CBLB: variants seen among roughly 807,000 people sequenced by gnomAD.
CBLB encodes the protein E3 ubiquitin-protein ligase CBL-B.
CBLB carries 31 observed loss-of-function variants against 104.9 expected under a neutral mutation model. That is an observed-to-expected ratio of 0.30 (90% CI 0.22 to 0.40). The LOEUF (loss-of-function observed/expected upper bound fraction) is 0.40, where lower values mean the gene tolerates loss of function less well. Among genes scored for constraint, CBLB ranks in the 10% least tolerant of loss-of-function variants. The pLI, the probability that CBLB is intolerant of heterozygous loss-of-function variation, is 1.00. For missense variants in CBLB, 1,062 were observed against 1,214.6 expected (o/e 0.87, Z 1.87); for synonymous variants, 440 against 422.6 (o/e 1.04, Z -0.51).
At chr3:105,801,761 CAAT>C (rs776030229) in intron 3 of CBLB, among the ~76,000 whole-genome samples, 24 of 152,294 alleles carry the variant, frequency 1.6e-4, no homozygotes, top group Non-Finnish European at 2.8e-4. Flanking sequence ...ACAACAACAA[CAAT>C]GACAAAAAGT....
intron 3 of CBLB, among the ~76,000 whole-genome samples, chr3:105,805,645 A>C (rs12497428): frequency 3.9e-5 from 6 of 151,990 alleles, no homozygotes; most frequent in African/African-American, 1.4e-4. Flanking sequence ...TTATTCCCTC[A>C]ACTGCCAGGT....
At chr3:105,698,735 G>A (rs1326433232) in intron 12 of CBLB, among the ~76,000 whole-genome samples, 1 of 151,640 alleles carries the variant, frequency 6.6e-6, no homozygotes, top group Admixed American at 6.6e-5. Flanking sequence ...AAAACAAAAT[G>A]GCACTATTAG....
In CBLB at chr3:105,741,189, AGTTT is replaced by A. The variant is rs780344977; in HGVS notation, c.846-562_846-559del. Among the ~76,000 whole-genome samples the A allele has an allele frequency of 9.7e-5, 14 of 144,326 alleles. No homozygotes were observed. In the East Asian group the frequency reaches 2.5e-3, roughly 26 times the overall value. The allele number at this position is 144,326 out of a possible 152,430, so 94.7% of individuals were successfully genotyped here. ...CCTTTGTAATTTAGACATTAAAATT[AGTTT>A]GTTTGTTTTTTTTGAGACGCAGTCT... On this transcript the variant is annotated intron_variant, in intron 6 of 18. Transcript: ENST00000394030.
At chr3:105,706,603 T>C (rs917585549) in intron 10 of CBLB, among the ~76,000 whole-genome samples, 1 of 152,160 alleles carries the variant, frequency 6.6e-6, no homozygotes, top group African/African-American at 2.4e-5. Flanking sequence ...ATCTTGACAC[T>C]GTAGATCAGC....
At chr3:105,862,799 T>C (rs555342970) in intron 2 of CBLB, among the ~76,000 whole-genome samples, 1 of 152,252 alleles carries the variant, frequency 6.6e-6, no homozygotes, top group African/African-American at 2.4e-5. Flanking sequence ...CTATCATTCC[T>C]TCAACCTAAC....
chr3:105,724,399 G>A (rs968961887), intron 9 of CBLB, among the ~76,000 whole-genome samples: 4 of 152,086 alleles, frequency 2.6e-5, no homozygotes, highest in African/African-American at 7.2e-5. Flanking sequence ...TCTGAATTAG[G>A]ATACTTGGAC....
intron 13 of CBLB, among the ~76,000 whole-genome samples, chr3:105,690,563 C>T (rs1004282636): frequency 2.6e-5 from 4 of 152,156 alleles, no homozygotes; most frequent in Admixed American, 1.3e-4. Context: ...GTGGCTCACG[C>T]CTGTAATCCC....
chr3:105,869,395 C>T (rs1267058911), upstream of CBLB: 15 of 1,340,454 alleles, frequency 1.1e-5, no homozygotes, highest in Non-Finnish European at 1.4e-5. Context: ...CCATCTGGGG[C>T]TGAAAGGCGG....
chr3:105,728,274 A>G (rs753338939), intron 9 of CBLB, among the ~76,000 whole-genome samples: 3 of 152,168 alleles, frequency 2.0e-5, no homozygotes, highest in Non-Finnish European at 2.9e-5. Flanking sequence ...GTCTCAGGAT[A>G]TAAAATCTAT....
At chr3:105,814,442 G>A (rs2084734390) in intron 3 of CBLB, among the ~76,000 whole-genome samples, 1 of 152,126 alleles carries the variant, frequency 6.6e-6, no homozygotes, top group African/African-American at 2.4e-5. Context: ...AACAGACTTT[G>A]ATGCTACAAA....
intron 18 of CBLB, among the ~76,000 whole-genome samples, chr3:105,665,434 T>C (rs954210718): frequency 8.9e-6 from 1 of 112,178 alleles, no homozygotes; most frequent in Admixed American, 1.0e-4. Flanking sequence ...TATATATATA[T>C]ATATATATAC....
intron 10 of CBLB, among the ~76,000 whole-genome samples, chr3:105,709,320 T>C (rs2070716226): frequency 6.6e-6 from 1 of 151,962 alleles, no homozygotes; most frequent in Admixed American, 6.6e-5. Flanking sequence ...GGTATGCATG[T>C]TGTCAAACTG....
At chr3:105,755,023 T>C (rs141879573) in intron 4 of CBLB, among the ~76,000 whole-genome samples, 94 of 31,094 alleles carry the variant, frequency 3.0e-3, no homozygotes, top group Non-Finnish European at 9.0e-3. Context: ...TTTCTTTTTT[T>C]TTTTTTTTTT....
intron 16 of CBLB, among the ~76,000 whole-genome samples, chr3:105,680,580 G>A (rs1204728181): frequency 6.6e-6 from 1 of 152,182 alleles, no homozygotes; most frequent in Non-Finnish European, 1.5e-5. Context: ...TGTAATTGAT[G>A]TAGGTGAGAA....
At chr3:105,751,413 CAG>C in intron 5 of CBLB, 47 bp downstream of exon 5, 1 of 1,320,302 alleles carries the variant, frequency 7.6e-7, no homozygotes, top group Non-Finnish European at 1.1e-6. Flanking sequence ...AGAGAAAAGA[CAG>C]GGAGAGAGAA....
At chr3:105,785,556 CAT>C (rs2080883568) in intron 3 of CBLB, among the ~76,000 whole-genome samples, 1 of 152,152 alleles carries the variant, frequency 6.6e-6, no homozygotes, top group African/African-American at 2.4e-5. Context: ...GGAAGCATAA[CAT>C]AGTTTCCCGT....
At chr3:105,754,340 C>G (rs961159473) in intron 4 of CBLB, among the ~76,000 whole-genome samples, 2 of 152,124 alleles carry the variant, frequency 1.3e-5, no homozygotes, top group Non-Finnish European at 2.9e-5. Context: ...TGAATTTTCA[C>G]ACCTCCATTT....
Position 105,702,369 on chromosome 3 carries a change from G to A in CBLB, c.1684C>T (p.Pro562Ser), listed in dbSNP as rs1411360988. Residue 562 changes from proline (P) to serine (S), a missense_variant, in exon 12 of 19, where the codon CCT (proline) becomes TCT (serine). By Grantham distance (74) the Pro-to-Ser change is moderately conservative (BLOSUM62 -1). Transcript: ENST00000394030. ...RDPPPPPPER[P>S]PPIPPDNRLS... Reference sequence around the variant, plus strand: ...CTATTGTCTGGTGGGATTGGTGGAGGTCTTTCAGGTGGCGGTGGAGGAGGA... The same window carrying A: ...CTATTGTCTGGTGGGATTGGTGGAGATCTTTCAGGTGGCGGTGGAGGAGGA... The A allele has an allele frequency of 3.1e-6, 5 of 1,592,718 alleles. No homozygotes were observed. Among genetic ancestry groups the A allele is most frequent in the Non-Finnish European group, 4.3e-6 (5 of 1,165,810 alleles).
intron 3 of CBLB, among the ~76,000 whole-genome samples, chr3:105,790,640 A>AGT (rs2081523125): frequency 6.6e-6 from 1 of 152,074 alleles, no homozygotes; most frequent in African/African-American, 2.4e-5. Context: ...AATTACATAC[A>AGT]CTCTAACTGT....
Sources: gnomAD v4.1 joint callset for allele counts (sites outside exome capture counted in the v4.1 genomes callset) on GRCh38, gnomAD v4.1.1 for gene constraint, MANE v1.5 for transcripts, NCBI Gene and HGNC (gene_info 2026-07-23, HGNC 2026-07-21) for gene names.